The following GIGYF2 variants were observed in gnomAD, a reference collection of about 807,000 sequenced individuals.
GIGYF2 encodes the protein GRB10 interacting GYF protein 2.
Under a neutral mutation model 208.1 loss-of-function variants are expected in GIGYF2, and 25 were observed. That is an observed-to-expected ratio of 0.12 (90% CI 0.09 to 0.17). The LOEUF (loss-of-function observed/expected upper bound fraction) is 0.17, where lower values mean the gene tolerates loss of function less well. GIGYF2 is among the 10% of genes least tolerant of loss of function. GIGYF2 has a pLI of 1.00. For synonymous variants in GIGYF2, 534 were observed against 543.8 expected (o/e 0.98, Z 0.25); for missense variants, 1,302 against 1,579.4 (o/e 0.82, Z 2.98).
chr2:232,718,173 C>T (rs762785340), intron 2 of GIGYF2, among the ~76,000 whole-genome samples: 2 of 152,126 alleles, frequency 1.3e-5, no homozygotes, highest in Middle Eastern at 3.2e-3. Context: ...TGCAGCCTCA[C>T]TGCAACCTCC....
chr2:232,735,920 C>G (rs952503182), intron 3 of GIGYF2: 1 of 983,830 alleles, frequency 1.0e-6, no homozygotes, highest in African/African-American at 1.7e-5. Context: ...TTTTTCTATT[C>G]AAACCTCGGG....
intron 27 of GIGYF2, among the ~76,000 whole-genome samples, chr2:232,849,158 A>C (rs1690200779): frequency 6.6e-6 from 1 of 152,110 alleles, no homozygotes; most frequent in Non-Finnish European, 1.5e-5. Context: ...ACACTGAAAC[A>C]CTAGGAAAAA....
chr2:232,799,954 CT>C (rs199504521), intron 14 of GIGYF2, among the ~76,000 whole-genome samples: 107 of 141,234 alleles, frequency 7.6e-4, no homozygotes, highest in Middle Eastern at 3.8e-3. Context: ...AGTCCTTTGC[CT>C]TTTTTTTTTT....
chr2:232,799,424 C>T (rs1395505701), intron 14 of GIGYF2, among the ~76,000 whole-genome samples: 1 of 151,640 alleles, frequency 6.6e-6, no homozygotes, highest in African/African-American at 2.4e-5. Context: ...ATGGTGTGTG[C>T]CTGTAGTCCC....
At chr2:232,745,435 A>G (rs936866144) in intron 3 of GIGYF2, among the ~76,000 whole-genome samples, 1 of 152,170 alleles carries the variant, frequency 6.6e-6, no homozygotes, top group African/African-American at 2.4e-5. Flanking sequence ...CAACCTGAAG[A>G]GTCTCCCACT....
At chr2:232,721,835 C>A (rs1265638056) in intron 2 of GIGYF2, among the ~76,000 whole-genome samples, 1 of 152,148 alleles carries the variant, frequency 6.6e-6, no homozygotes, top group Non-Finnish European at 1.5e-5. Flanking sequence ...ACTTTAGAGT[C>A]TATGTAGCTG....
At chr2:232,743,466 A>G (rs1698042338) in intron 3 of GIGYF2, among the ~76,000 whole-genome samples, 1 of 152,074 alleles carries the variant, frequency 6.6e-6, no homozygotes, top group African/African-American at 2.4e-5. Flanking sequence ...TTATGTAGGT[A>G]AACTTGTGTC....
At chr2:232,758,039 A>G (rs1698615180) in intron 6 of GIGYF2, among the ~76,000 whole-genome samples, 1 of 152,202 alleles carries the variant, frequency 6.6e-6, no homozygotes, top group Non-Finnish European at 1.5e-5. Context: ...TTGGTGTGAA[A>G]AGTACTTTTA....
rs887566881 is a variant in GIGYF2, at chr2:232,808,769, T to C, written c.1807-951T>C. Among the ~76,000 whole-genome samples, 4 of 152,288 alleles carry C rather than the reference T, an allele frequency of 2.6e-5. 1 individual carries two copies. The highest frequency in any genetic ancestry group is 6.5e-5 in the Admixed American group (1 of 15,292). On this transcript the variant is annotated intron_variant, in intron 15 of 28. Coordinates refer to ENST00000373563, the MANE Select transcript of GIGYF2 (RefSeq NM_001103146.3). ...GTTTCTTTCTCCTAATTTTAACTTT[T>C]TATAATTTAAATTCCAGTCATATTA...
chr2:232,776,891 T>C (rs1434521193), intron 8 of GIGYF2: 1 of 158,656 alleles, frequency 6.3e-6, no homozygotes, highest in Non-Finnish European at 1.4e-5. Flanking sequence ...CGTCTTTCCT[T>C]ATATAGCATG....
intron 2 of GIGYF2, among the ~76,000 whole-genome samples, chr2:232,714,305 T>C (rs1363119042): frequency 6.6e-6 from 1 of 152,204 alleles, no homozygotes; most frequent in Non-Finnish European, 1.5e-5. Context: ...CATAGCCACA[T>C]GTATGTGGCT....
At chr2:232,714,985 C>T (rs1471956565) in intron 2 of GIGYF2, among the ~76,000 whole-genome samples, 6 of 152,106 alleles carry the variant, frequency 3.9e-5, no homozygotes, top group African/African-American at 1.4e-4. Flanking sequence ...CCCTGTGTGT[C>T]CATGTGTTCT....
At chr2:232,819,186 A>T (rs1179709959) in intron 20 of GIGYF2, among the ~76,000 whole-genome samples, 1 of 152,168 alleles carries the variant, frequency 6.6e-6, no homozygotes, top group Non-Finnish European at 1.5e-5. Flanking sequence ...AATGAGAACT[A>T]CGGTTAATTC....
chr2:232,836,518 A>G (rs1701643728), intron 22 of GIGYF2, among the ~76,000 whole-genome samples: 1 of 141,566 alleles, frequency 7.1e-6, no homozygotes, highest in Non-Finnish European at 1.5e-5. Context: ...GTGGGCCAAA[A>G]TCATACCACT....
At chr2:232,834,033 G>A (rs73106338) in intron 22 of GIGYF2, among the ~76,000 whole-genome samples, 2,360 of 152,130 alleles carry the variant, frequency 0.016, 77 homozygotes, top group African/African-American at 0.054. Flanking sequence ...AGCTGAGGGA[G>A]GAAGGCAGAA....
intron 18 of GIGYF2, among the ~76,000 whole-genome samples, chr2:232,813,506 C>T (rs761852521): frequency 7.2e-5 from 11 of 152,128 alleles, no homozygotes; most frequent in African/African-American, 1.4e-4. Context: ...TGCGCCCAGC[C>T]GAGCACCTCT....
chr2:232,737,470 G>A (rs1050958358), intron 3 of GIGYF2, among the ~76,000 whole-genome samples: 26 of 152,184 alleles, frequency 1.7e-4, no homozygotes, highest in Admixed American at 1.2e-3. Context: ...ACTGAGGAAT[G>A]CAGGTGTAAG....
chr2:232,769,619 A>C (rs559765433), intron 8 of GIGYF2, among the ~76,000 whole-genome samples: 1 of 152,082 alleles, frequency 6.6e-6, no homozygotes, highest in East Asian at 1.9e-4. Flanking sequence ...ACTGACTATC[A>C]GGTAATTTCA....
At chr2:232,784,798 C>T (rs979043952) in intron 8 of GIGYF2, among the ~76,000 whole-genome samples, 2 of 152,034 alleles carry the variant, frequency 1.3e-5, no homozygotes, top group African/African-American at 4.8e-5. Flanking sequence ...GATGTTTGTC[C>T]CCTCCAGATC....
Sources: allele counts gnomAD v4.1 joint callset (sites outside exome capture counted in the v4.1 genomes callset), GRCh38; gene constraint gnomAD v4.1.1; transcripts MANE v1.5; gene names NCBI Gene and HGNC (gene_info 2026-07-23, HGNC 2026-07-21).